The following ALDH4A1 variants were observed in gnomAD, a reference collection of about 807,000 sequenced individuals.
The protein encoded by ALDH4A1 is delta-1-pyrroline-5-carboxylate dehydrogenase, mitochondrial.
Under a neutral mutation model 70.5 loss-of-function variants are expected in ALDH4A1, and 46 were observed. The ratio of observed to expected loss-of-function variants is 0.65; its 90% confidence interval spans 0.51 to 0.83. The LOEUF is 0.83. Among genes scored for constraint, ALDH4A1 ranks in the 40% least tolerant of loss-of-function variants. ALDH4A1 has a pLI of 0.00. For synonymous variants in ALDH4A1, 323 were observed against 324.3 expected, an observed-to-expected ratio of 1.00 and a Z score of 0.04; for missense variants, 749 against 766.5, an observed-to-expected ratio of 0.98 and a Z score of 0.27.
At chr1:18,893,596 G>A (rs529181128) in intron 1 of ALDH4A1, among the ~76,000 whole-genome samples, 10 of 152,026 alleles carry the variant, frequency 6.6e-5, no homozygotes, top group African/African-American at 9.6e-5. Flanking sequence ...TCCGCCTCCC[G>A]AATTCAAGCA....
At chr1:18,889,920 G>T in intron 2 of ALDH4A1, 92 bp downstream of exon 2, 2 of 1,119,836 alleles carry the variant, frequency 1.8e-6, no homozygotes, top group Non-Finnish European at 2.6e-6. Context: ...AGCGGGTGAT[G>T]GCTGCAGGCA....
chr1:18,875,641 T>C (rs1934648970), intron 12 of ALDH4A1, 138 bp from the exon 13 acceptor site: 1 of 1,390,108 alleles, frequency 7.2e-7, no homozygotes, highest in African/African-American at 1.4e-5. Flanking sequence ...GCAAGAAGGG[T>C]CAGGTGTCGC....
At position 18,878,901 on chromosome 1, in the gene ALDH4A1, T is replaced by C. The variant is rs72936431; in HGVS notation, c.940+399A>G. ...TCCCTCCCTACTCATGGGCCTTGCT[T>C]TGTTTCTTCAAATACAAGTTCATTC... On this transcript the variant is annotated intron_variant, in intron 9 of 14. Transcript: ENST00000375341. Among the ~76,000 whole-genome samples, 718 of 152,338 alleles carry C rather than the reference T, an allele frequency of 4.7e-3. 3 individuals are homozygous for C. Among genetic ancestry groups the C allele is most frequent in the African/African-American group, 0.017 (697 of 41,576 alleles).
chr1:18,882,558 C>T (rs772328544), intron 7 of ALDH4A1: 1 of 532,072 alleles, frequency 1.9e-6, no homozygotes, highest in Non-Finnish European at 3.9e-6. Context: ...ACATCCAAAT[C>T]TTTCTCTGCT....
At chr1:18,875,254 G>A (rs1934624201) in intron 13 of ALDH4A1, 128 bp downstream of exon 13, 1 of 1,489,174 alleles carries the variant, frequency 6.7e-7, no homozygotes, top group Non-Finnish European at 9.3e-7. Context: ...GCCTGTCTGG[G>A]CTGAGGGGAG....
chr1:18,879,189 GT>G, intron 9 of ALDH4A1, 110 bp downstream of exon 9: 1 of 1,105,664 alleles, frequency 9.0e-7, no homozygotes, highest in East Asian at 2.6e-5. Flanking sequence ...GCCTGAAATG[GT>G]TCATCCACCT....
At chr1:18,889,664 G>A (rs1281567892) in intron 2 of ALDH4A1, among the ~76,000 whole-genome samples, 1 of 152,198 alleles carries the variant, frequency 6.6e-6, no homozygotes, top group African/African-American at 2.4e-5. Flanking sequence ...GGAAGGTGAG[G>A]TCTACCCATG....
chr1:18,894,415 C>T (rs1435880630), intron 1 of ALDH4A1, among the ~76,000 whole-genome samples: 6 of 152,294 alleles, frequency 3.9e-5, no homozygotes, highest in East Asian at 1.9e-4. Flanking sequence ...TGGTGGCACG[C>T]GCCTATACAC....
chr1:18,886,567 T>G, intron 3 of ALDH4A1, 56 bp from the exon 4 acceptor site: 1 of 1,580,470 alleles, frequency 6.3e-7, no homozygotes, highest in South Asian at 1.1e-5. Flanking sequence ...AGGATAAGGA[T>G]GAAGAGGACT....
chr1:18,881,952 C>A, intron 7 of ALDH4A1, 65 bp from the exon 8 acceptor site: 1 of 1,470,460 alleles, frequency 6.8e-7, no homozygotes, highest in Non-Finnish European at 9.3e-7. Context: ...CCCACCCCAC[C>A]CTACCCTACA....
intron 1 of ALDH4A1, among the ~76,000 whole-genome samples, chr1:18,901,617 C>T (rs1935801376): frequency 6.6e-6 from 1 of 152,138 alleles, no homozygotes; most frequent in African/African-American, 2.4e-5. Context: ...GTTTGCAAAT[C>T]GGGATTTGAA....
At chr1:18,878,681 C>A (rs1157960412) in intron 9 of ALDH4A1, among the ~76,000 whole-genome samples, 1 of 152,184 alleles carries the variant, frequency 6.6e-6, no homozygotes, top group Non-Finnish European at 1.5e-5. Flanking sequence ...CAGACCTTGT[C>A]CTTGAAGATG....
At chr1:18,882,591 T>A in intron 7 of ALDH4A1, 1 of 535,226 alleles carries the variant, frequency 1.9e-6, no homozygotes, top group Non-Finnish European at 3.8e-6. Context: ...TACTAGTCAC[T>A]CAGTCTTGCC....
intron 3 of ALDH4A1, 78 bp from the exon 4 acceptor site, chr1:18,886,589 C>T (rs1421382966): frequency 2.3e-5 from 36 of 1,535,088 alleles, no homozygotes; most frequent in South Asian, 6.8e-5. Flanking sequence ...GACTCAGAGC[C>T]GGTTTTCCAG....
At chr1:18,889,900 C>G in intron 2 of ALDH4A1, 112 bp downstream of exon 2, 1 of 965,386 alleles carries the variant, frequency 1.0e-6, no homozygotes, top group Non-Finnish European at 1.5e-6. Context: ...AGGCTGGGAG[C>G]AAGGGTAGAA....
At position 18,875,454 on chromosome 1, in the gene ALDH4A1, T is replaced by C. The variant is rs772894974; in HGVS notation, c.1388A>G (p.Tyr463Cys). 3 of 1,614,104 alleles carry C rather than the reference T, an allele frequency of 1.9e-6. No homozygotes were observed. The South Asian group carries it at 3.3e-5, about 18-fold the overall frequency. Residue 463 changes from tyrosine to cysteine, a missense_variant, in exon 13 of 15, where the codon TAC becomes TGC. Physicochemically the swap from Tyr to Cys is radical, Grantham distance 194. Transcript: ENST00000375341. ...GTCAACCAGCTGCAGCGTCTCCTTG[T>C]ACTTGTCATCCGGGTAGACGTACAC... is the stretch of plus-strand genomic sequence containing the variant. ...LSVYVYPDDK[Y>C]KETLQLVDST...
intron 1 of ALDH4A1, among the ~76,000 whole-genome samples, chr1:18,901,694 G>A (rs1047563622): frequency 2.0e-5 from 3 of 152,152 alleles, no homozygotes; most frequent in Admixed American, 2.0e-4. Flanking sequence ...TGCCTCACAG[G>A]AGTGAGAAGT....
intron 1 of ALDH4A1, 144 bp from the exon 2 acceptor site, chr1:18,890,249 A>ACC: frequency 1.5e-6 from 1 of 688,576 alleles, no homozygotes; most frequent in Non-Finnish European, 2.5e-6. Flanking sequence ...GGGGGTCAAA[A>ACC]CCCCACCTTG....
chr1:18,900,469 A>G (rs1252729571), intron 1 of ALDH4A1, among the ~76,000 whole-genome samples: 2 of 152,254 alleles, frequency 1.3e-5, no homozygotes, highest in Non-Finnish European at 1.5e-5. Context: ...CCCCCAGGTA[A>G]CATCTGACAA....
Sources: allele counts gnomAD v4.1 joint callset (sites outside exome capture counted in the v4.1 genomes callset), GRCh38; gene constraint gnomAD v4.1.1; transcripts MANE v1.5; gene names NCBI Gene and HGNC (gene_info 2026-07-23, HGNC 2026-07-21).